Variants in ACSM2B observed in about 807,000 individuals in gnomAD.
The protein encoded by ACSM2B is acyl-CoA synthetase medium chain family member 2B, also known as acyl-coenzyme A synthetase ACSM2B, mitochondrial.
A neutral mutation model predicts 78.6 loss-of-function variants in ACSM2B; 58 were observed. That is an observed-to-expected ratio of 0.74 (90% CI 0.60 to 0.92). The LOEUF (loss-of-function observed/expected upper bound fraction) is 0.92. Among genes scored for constraint, ACSM2B ranks in the 40% least tolerant of loss-of-function variants. ACSM2B has a pLI of 0.00. For missense variants in ACSM2B, 688 were observed against 711.2 expected, an observed-to-expected ratio of 0.97 and a Z score of 0.37; for synonymous variants, 257 against 256.8, an observed-to-expected ratio of 1.00 and a Z score of -0.01.
At chr16:20,562,829 T>C (rs2015703804) in intron 2 of ACSM2B, among the ~76,000 whole-genome samples, 2 of 152,160 alleles carry the variant, frequency 1.3e-5, no homozygotes, top group South Asian at 4.1e-4. Context: ...TATTGTAAAA[T>C]CTAAGACTGA....
chr16:20,567,910 A>G (rs1262188152), intron 1 of ACSM2B, among the ~76,000 whole-genome samples: 1 of 143,020 alleles, frequency 7.0e-6, no homozygotes, highest in Non-Finnish European at 1.5e-5. Context: ...TATATAGTAT[A>G]TATTAAATAT....
intron 4 of ACSM2B, among the ~76,000 whole-genome samples, chr16:20,554,829 C>T (rs1232739943): frequency 1.1e-4 from 16 of 152,316 alleles, no homozygotes; most frequent in South Asian, 4.1e-4. Flanking sequence ...GGTGTTAACA[C>T]CATGTTGTTT....
At chr16:20,548,021 A>C (rs1322448884) in intron 8 of ACSM2B, 41 bp downstream of exon 8, 3 of 1,604,688 alleles carry the variant, frequency 1.9e-6, no homozygotes, top group African/African-American at 2.7e-5. Context: ...TTTGAAGCCC[A>C]AAAAGTGCAC....
chr16:20,559,152 C>G, intron 3 of ACSM2B, 85 bp downstream of exon 3: 2 of 1,491,636 alleles, frequency 1.3e-6, no homozygotes, highest in Non-Finnish European at 9.0e-7. Flanking sequence ...GCAGAGACTT[C>G]TTTTGAGAGA....
rs1203237265 is a variant in ACSM2B, at chr16:20,564,725, G to C, written c.121C>G (p.Pro41Ala). ...VSLQWGHQEVPAKFNFASDVL... is the reference protein window; with the variant it reads ...VSLQWGHQEVAAKFNFASDVL... ...TCACTAGCAAAGTTAAACTTGGCCGGCACTTCCTGGTGGCCCCACTGCAGG... is the reference window on the plus strand; with the variant it reads ...TCACTAGCAAAGTTAAACTTGGCCGCCACTTCCTGGTGGCCCCACTGCAGG... Residue 41 changes from proline (P) to alanine (A), a missense_variant, in exon 2 of 14, where the codon CCG becomes GCG. Transcript: ENST00000329697. 1.9e-6 allele frequency: 3 copies of C among 1,613,398 alleles called. No homozygotes were observed. Among genetic ancestry groups the C allele is most frequent in the South Asian group, 2.2e-5 (2 of 91,006 alleles).
At chr16:20,563,802 T>A (rs968832622) in intron 2 of ACSM2B, among the ~76,000 whole-genome samples, 52 of 152,134 alleles carry the variant, frequency 3.4e-4, no homozygotes, top group Non-Finnish European at 6.2e-4. Flanking sequence ...TGTATTAAGT[T>A]CATGCTGGTA....
chr16:20,566,853 C>A, intron 1 of ACSM2B, among the ~76,000 whole-genome samples: 1 of 117,904 alleles, frequency 8.5e-6, no homozygotes, highest in African/African-American at 3.2e-5. Flanking sequence ...TATATAGACA[C>A]ACTATATACT....
intron 1 of ACSM2B, among the ~76,000 whole-genome samples, chr16:20,571,798 G>A (rs1237895161): frequency 6.8e-6 from 1 of 148,140 alleles, no homozygotes; most frequent in Admixed American, 6.8e-5. Flanking sequence ...CTTCCTGTTG[G>A]ACAAGACCTT....
intron 4 of ACSM2B, chr16:20,554,199 T>C (rs1567211306): frequency 5.2e-6 from 3 of 573,720 alleles, no homozygotes; most frequent in Non-Finnish European, 9.6e-6. Context: ...TGAGATCAAG[T>C]CTTATAGAGT....
chr16:20,561,635 T>A (rs1224285311), intron 2 of ACSM2B, among the ~76,000 whole-genome samples: 4 of 152,052 alleles, frequency 2.6e-5, no homozygotes, highest in Non-Finnish European at 5.9e-5. Flanking sequence ...ACTTTGCTCC[T>A]GCCCTTCCAA....
rs374815163 is a variant in ACSM2B, at chr16:20,571,110, G to T, written c.-9+5097C>A. On this transcript the variant is annotated intron_variant, in intron 1 of 13. Transcript: ENST00000329697. ...TTGGTTATTTCCTTTCTTATGCTGG[G>T]TTTGGGTTTGATTTGTTCTTGTTTG... Among the ~76,000 whole-genome samples, 8 of 151,752 alleles carry T rather than the reference G, an allele frequency of 5.3e-5. No homozygotes were observed. The South Asian group carries it at 8.3e-4, about 16-fold the overall frequency.
Position 20,537,232 on chromosome 16 carries a change from A to C in ACSM2B, c.*26T>G, listed in dbSNP as rs758577540. 2 of 1,611,712 alleles carry C rather than the reference A, an allele frequency of 1.2e-6. No homozygotes were observed. The highest frequency in any genetic ancestry group is 1.7e-6 in the Non-Finnish European group (2 of 1,177,862). On this transcript the variant is annotated 3_prime_UTR_variant, in exon 14 of 14. Coordinates refer to ENST00000329697, the MANE Select transcript of ACSM2B (RefSeq NM_001105069.2). The stretch of plus-strand genomic sequence containing the variant: ...GAAAAGAAAGAGAAAGAAGAGGGGA[A>C]TCCAAATGAATGTCTCCTAGACGCC...
intron 12 of ACSM2B, chr16:20,541,565 C>T (rs1359402366): frequency 6.6e-6 from 1 of 152,014 alleles, no homozygotes; most frequent in East Asian, 1.9e-4. Flanking sequence ...AAATATCAAA[C>T]AGCAGGATAG....
Position 20,559,347 on chromosome 16 carries a change from G to T in ACSM2B, c.278C>A (p.Ala93Glu). 1 of 1,608,372 alleles carries T rather than the reference G, an allele frequency of 6.2e-7. No homozygotes were observed. Among genetic ancestry groups the T allele is most frequent in the Non-Finnish European group, 8.5e-7 (1 of 1,177,038 alleles). Residue 93 changes from alanine to glutamate, a missense_variant, in exon 3 of 14, where the codon GCA becomes GAA. Coordinates refer to ENST00000329697, the MANE Select transcript of ACSM2B (RefSeq NM_001105069.2). Reference sequence around the variant, plus strand: ...ACAGGCTCCCGAGAGGATGTTGGCTGCCTGCTGGCTGTTTTCACTCAGTTC... The same window carrying T: ...ACAGGCTCCCGAGAGGATGTTGGCTTCCTGCTGGCTGTTTTCACTCAGTTC... ...FRELSENSQQAANILSGACGL... is the reference protein window; with the variant it reads ...FRELSENSQQEANILSGACGL...
At chr16:20,567,719 T>C (rs1477191635) in intron 1 of ACSM2B, among the ~76,000 whole-genome samples, 1 of 139,706 alleles carries the variant, frequency 7.2e-6, no homozygotes, top group Non-Finnish European at 1.5e-5. Flanking sequence ...TCATGTCTTG[T>C]TCTGGTTCTC....
At chr16:20,558,999 C>T (rs2015559197) in intron 3 of ACSM2B, among the ~76,000 whole-genome samples, 1 of 152,122 alleles carries the variant, frequency 6.6e-6, no homozygotes, top group South Asian at 2.1e-4. Context: ...GAGCTTTCTC[C>T]AAAGTTCTGT....
intron 6 of ACSM2B, among the ~76,000 whole-genome samples, chr16:20,551,905 T>C (rs1031024388): frequency 1.3e-5 from 2 of 152,172 alleles, no homozygotes; most frequent in African/African-American, 4.8e-5. Flanking sequence ...AGTGAACAAA[T>C]GACCTACAAT....
intron 7 of ACSM2B, 75 bp downstream of exon 7, chr16:20,548,319 G>C: frequency 6.2e-7 from 1 of 1,606,230 alleles, no homozygotes; most frequent in South Asian, 1.1e-5. Flanking sequence ...GATTCAGATA[G>C]ATAGGCATGA....
intron 13 of ACSM2B, among the ~76,000 whole-genome samples, chr16:20,540,227 T>G (rs1488440135): frequency 1.3e-5 from 1 of 77,122 alleles, no homozygotes; most frequent in African/African-American, 3.2e-5. Context: ...TTTTTTTGTT[T>G]TTTTTTTTTG....
Sources: allele counts gnomAD v4.1 joint callset (sites outside exome capture counted in the v4.1 genomes callset), GRCh38; gene constraint gnomAD v4.1.1; transcripts MANE v1.5; gene names NCBI Gene and HGNC (gene_info 2026-07-23, HGNC 2026-07-21).